Variants in PRPSAP2 observed in about 807,000 individuals in gnomAD.
The protein encoded by PRPSAP2 is phosphoribosyl pyrophosphate synthetase associated protein 2.
Under a neutral mutation model 40.6 loss-of-function variants are expected in PRPSAP2, and 24 were observed. That is an observed-to-expected ratio of 0.59 (90% CI 0.43 to 0.83). The LOEUF (loss-of-function observed/expected upper bound fraction) is 0.83. Among genes scored for constraint, PRPSAP2 ranks in the 40% least tolerant of loss-of-function variants. PRPSAP2 has a pLI of 0.00. For missense variants in PRPSAP2, 292 were observed against 465.6 expected, an observed-to-expected ratio of 0.63 and a Z score of 3.43; for synonymous variants, 149 against 164.7, an observed-to-expected ratio of 0.90 and a Z score of 0.73.
chr17:18,882,472 C>T (rs1326568368), intron 6 of PRPSAP2, 96 bp from the exon 7 acceptor site: 5 of 774,538 alleles, frequency 6.5e-6, no homozygotes, highest in Non-Finnish European at 1.1e-5. Context: ...GGTCATGCCA[C>T]TGCACTCCAG....
chr17:18,894,054 T>G (rs1436643586), intron 8 of PRPSAP2, among the ~76,000 whole-genome samples: 1 of 151,990 alleles, frequency 6.6e-6, no homozygotes, highest in African/African-American at 2.4e-5. Flanking sequence ...ACTATGTTGG[T>G]CAGGCTGGTG....
At chr17:18,871,547 A>G (rs1451973814) in intron 4 of PRPSAP2, among the ~76,000 whole-genome samples, 6 of 152,034 alleles carry the variant, frequency 3.9e-5, no homozygotes, top group Non-Finnish European at 8.8e-5. Context: ...TTTTGAGAGT[A>G]GGGATATTAG....
In PRPSAP2 at chr17:18,911,086, C is replaced by G; in HGVS notation, c.585-17C>G. 6.3e-7 allele frequency: 1 copy of G among 1,593,788 alleles called. No individual in the cohort carries two copies. ...GGCTGCATGAGTTTTGAGCTTGTGTCTGGTGTTTTCCCTCAGGGCACAGTC... is the reference window on the plus strand; with the variant it reads ...GGCTGCATGAGTTTTGAGCTTGTGTGTGGTGTTTTCCCTCAGGGCACAGTC... On this transcript the variant is annotated splice_polypyrimidine_tract_variant and intron_variant, in intron 8 of 11. Coordinates refer to ENST00000268835, the MANE Select transcript of PRPSAP2 (RefSeq NM_002767.4). The surrounding 1 kb of genome is among the most constrained non-coding windows in gnomAD (Gnocchi z 4.5).
chr17:18,905,879 G>A (rs982965045), intron 8 of PRPSAP2, among the ~76,000 whole-genome samples: 5 of 152,060 alleles, frequency 3.3e-5, no homozygotes, highest in African/African-American at 1.2e-4. Context: ...CACTGCTCCT[G>A]GCCACTCTCT....
chr17:18,875,657 C>T (rs1021241800), intron 5 of PRPSAP2, among the ~76,000 whole-genome samples: 1 of 151,806 alleles, frequency 6.6e-6, no homozygotes. Context: ...AGTTCAAGAC[C>T]AGCCTGGCCA....
rs1241687297 is a variant in PRPSAP2, at chr17:18,911,209, G to A, written c.691G>A (p.Val231Ile). Residue 231 changes from valine to isoleucine, a missense_variant, in exon 9 of 12, where the codon GTC becomes ATC. Val to Ile is a conservative substitution (Grantham distance 29). Coordinates refer to ENST00000268835, the MANE Select transcript of PRPSAP2 (RefSeq NM_002767.4). This position sits in a 1 kb window ranked among gnomAD's most constrained non-coding sequence, Gnocchi z 4.5. ...GGATGGACGGCATTCCCCACCCATG[G>A]TCAGAAGTGTGGCTGCCATCCACCC... is the stretch of plus-strand genomic sequence containing the variant. ...LVDGRHSPPM[V>I]RSVAAIHPSL... 1 of 1,613,616 alleles carries A rather than the reference G, an allele frequency of 6.2e-7. No homozygotes were observed. The highest frequency in any genetic ancestry group is 1.7e-5 in the Admixed American group (1 of 60,006).
chr17:18,908,965 AG>A lies in PRPSAP2; in HGVS notation c.585-2135del, dbSNP rs1000781021. ...GTTTTTATTCTGTTTTGTTTTTACA[AG>A]GGATGTTATATAAAGAACTGAATTC... is the stretch of plus-strand genomic sequence containing the variant. On this transcript the variant is annotated intron_variant, in intron 8 of 11. Transcript: ENST00000268835. 94 of 332,174 alleles carry A rather than the reference AG, an allele frequency of 2.8e-4. 2 individuals are homozygous for A. Among genetic ancestry groups the A allele is most frequent in the Non-Finnish European group, 1.4e-4 (24 of 170,554 alleles). The allele number at this position is 332,174 out of a possible 1,614,324, so 20.6% of individuals were successfully genotyped here.
intron 7 of PRPSAP2, among the ~76,000 whole-genome samples, chr17:18,885,278 G>A (rs530509961): frequency 6.6e-6 from 1 of 151,748 alleles, no homozygotes; most frequent in South Asian, 2.1e-4. Flanking sequence ...GTGCATTCCT[G>A]TGGTCCCCCC....
Position 18,867,419 on chromosome 17 carries a change from C to G in PRPSAP2, c.172+85C>G, listed in dbSNP as rs781726722. 1.3e-5 allele frequency: 19 copies of G among 1,480,178 alleles called. No individual in the cohort carries two copies. In the Admixed American group the frequency reaches 1.6e-4, roughly 12 times the overall value. The allele number at this position is 1,480,178 out of a possible 1,614,324, so 91.7% of individuals were successfully genotyped here. Reference sequence around the variant, plus strand: ...CGTCCTTCATCCTTTACTATTGAAACGATTTGATTCAGTTGTACATTTCCA... The same window carrying G: ...CGTCCTTCATCCTTTACTATTGAAAGGATTTGATTCAGTTGTACATTTCCA... On this transcript the variant is annotated intron_variant, in intron 4 of 11. Coordinates refer to ENST00000268835, the MANE Select transcript of PRPSAP2 (RefSeq NM_002767.4).
chr17:18,893,602 A>AC (rs201462221), intron 8 of PRPSAP2, among the ~76,000 whole-genome samples: 1 of 151,434 alleles, frequency 6.6e-6, no homozygotes, highest in Non-Finnish European at 1.5e-5. Flanking sequence ...GAAAAAAAAA[A>AC]ACATTAACTG....
At chr17:18,926,423 C>G (rs1429634474) in intron 10 of PRPSAP2, among the ~76,000 whole-genome samples, 1 of 151,766 alleles carries the variant, frequency 6.6e-6, no homozygotes, top group South Asian at 2.1e-4. Flanking sequence ...CACGCCACCA[C>G]GTCCGGCTAA....
At chr17:18,862,143 C>T (rs977601786) in intron 1 of PRPSAP2, among the ~76,000 whole-genome samples, 1 of 152,194 alleles carries the variant, frequency 6.6e-6, no homozygotes, top group African/African-American at 2.4e-5. Context: ...CTGCCTCGCT[C>T]TCCCAATTTG....
At chr17:18,916,027 C>A (rs2041288362) in intron 9 of PRPSAP2, among the ~76,000 whole-genome samples, 1 of 152,000 alleles carries the variant, frequency 6.6e-6, no homozygotes, top group African/African-American at 2.4e-5. Flanking sequence ...ACCTTGTTGC[C>A]CAGGCTGGTT....
At chr17:18,921,139 T>C (rs959805761) in intron 9 of PRPSAP2, among the ~76,000 whole-genome samples, 2 of 152,292 alleles carry the variant, frequency 1.3e-5, no homozygotes, top group African/African-American at 4.8e-5. Flanking sequence ...TTATGGCTAA[T>C]AACCCATCGT....
chr17:18,866,400 T>C (rs2037432599), intron 3 of PRPSAP2, among the ~76,000 whole-genome samples: 1 of 152,226 alleles, frequency 6.6e-6, no homozygotes, highest in East Asian at 1.9e-4. Context: ...CCGCGTCTAC[T>C]AAAAATACAA....
intron 10 of PRPSAP2, 101 bp downstream of exon 10, chr17:18,924,085 G>T: frequency 8.3e-7 from 1 of 1,199,694 alleles, no homozygotes; most frequent in Admixed American, 2.0e-5. Flanking sequence ...TGTCGCCCAG[G>T]CTGGAGTGCA....
chr17:18,878,550 T>TTTTA (rs558213010), intron 6 of PRPSAP2, among the ~76,000 whole-genome samples: 15 of 152,144 alleles, frequency 9.9e-5, no homozygotes, highest in East Asian at 1.9e-4. Context: ...GTGTATATGA[T>TTTTA]TTTATTTATT....
intron 8 of PRPSAP2, among the ~76,000 whole-genome samples, chr17:18,901,909 G>A (rs2040292472): frequency 6.6e-6 from 1 of 152,146 alleles, no homozygotes; most frequent in Non-Finnish European, 1.5e-5. Context: ...AGTCTCCTGA[G>A]TAGCTGGGAC....
At chr17:18,896,410 G>T (rs1277047762) in intron 8 of PRPSAP2, among the ~76,000 whole-genome samples, 1 of 151,974 alleles carries the variant, frequency 6.6e-6, no homozygotes, top group Non-Finnish European at 1.5e-5. Context: ...AATTCTCCCA[G>T]CAGCTTACAA....
Sources: gnomAD v4.1 joint callset for allele counts (sites outside exome capture counted in the v4.1 genomes callset) on GRCh38, gnomAD v4.1.1 for gene constraint, Gnocchi (gnomAD v3.1) non-coding constraint, MANE v1.5 for transcripts, NCBI Gene and HGNC (gene_info 2026-07-23, HGNC 2026-07-21) for gene names.